Variants in SHTN1 observed in about 807,000 individuals in gnomAD.
The protein encoded by SHTN1 is shootin-1.
Under a neutral mutation model 83.1 loss-of-function variants are expected in SHTN1, and 42 were observed. The ratio of observed to expected loss-of-function variants is 0.51; its 90% CI spans 0.39 to 0.65. The LOEUF is 0.65. Among genes scored for constraint, SHTN1 ranks in the 30% least tolerant of loss-of-function variants. The pLI is 0.00. For synonymous variants in SHTN1, 224 were observed against 247.7 expected, an observed-to-expected ratio of 0.90 and a Z score of 0.90; for missense variants, 622 against 737.8, an observed-to-expected ratio of 0.84 and a Z score of 1.82.
At chr10:117,068,178 G>A (rs1564948405) in intron 1 of SHTN1, among the ~76,000 whole-genome samples, 1 of 152,150 alleles carries the variant, frequency 6.6e-6, no homozygotes, top group Admixed American at 6.6e-5. Flanking sequence ...GATCACTTGA[G>A]TTCCGAAATT....
intron 1 of SHTN1, among the ~76,000 whole-genome samples, chr10:117,088,394 G>A (rs576539559): frequency 4.6e-5 from 7 of 152,284 alleles, no homozygotes; most frequent in East Asian, 3.9e-4. Flanking sequence ...GTTGATTCAC[G>A]TAAAAGCTAC....
chr10:116,949,235 G>T (rs1256901952), intron 6 of SHTN1, among the ~76,000 whole-genome samples: 2 of 152,024 alleles, frequency 1.3e-5, no homozygotes, highest in Non-Finnish European at 2.9e-5. Context: ...AGTTGGCACT[G>T]GCACCTAAAC....
rs1488644378 is a variant in SHTN1 at position 116,897,606 on chromosome 10, T to C, written c.1673+4159A>G. 2.0e-5 allele frequency among the ~76,000 whole-genome samples: 3 copies of C among 152,212 alleles called. No individual in the cohort carries two copies. In the East Asian group the frequency reaches 5.8e-4, roughly 29 times the overall value. ...ATGATCCATTATCCCAGCAATATAA[T>C]TGTAAGATAAGATAGGAAAGGAATT... On this transcript the variant is annotated intron_variant, in intron 16 of 16. Transcript: ENST00000355371.
intron 2 of SHTN1, among the ~76,000 whole-genome samples, chr10:116,976,230 T>C (rs1292729907): frequency 6.6e-6 from 1 of 152,116 alleles, no homozygotes; most frequent in East Asian, 1.9e-4. Context: ...TAGCAGCTTC[T>C]TACACCATGC....
intron 14 of SHTN1, among the ~76,000 whole-genome samples, chr10:116,907,523 G>C (rs117651711): frequency 6.6e-6 from 1 of 152,126 alleles, no homozygotes; most frequent in African/African-American, 2.4e-5. Context: ...TGGCTCTTCC[G>C]GGAAGTATGT....
intron 1 of SHTN1, among the ~76,000 whole-genome samples, chr10:117,117,749 C>A (rs944605845): frequency 1.2e-4 from 19 of 152,112 alleles, no homozygotes; most frequent in Non-Finnish European, 2.5e-4. Flanking sequence ...GCATTTACAA[C>A]CAACTCATCT....
At chr10:117,003,445 A>T (rs1851891153) in intron 1 of SHTN1, among the ~76,000 whole-genome samples, 1 of 150,752 alleles carries the variant, frequency 6.6e-6, no homozygotes, top group Non-Finnish European at 1.5e-5. Context: ...TGGATATCAC[A>T]GAAGAATGTG....
At position 117,005,130 on chromosome 10, in the gene SHTN1, A is replaced by T. The variant is rs1420317887; in HGVS notation, c.-51T>A. The T allele has an allele frequency of 6.4e-7, 1 of 1,562,020 alleles. No individual in the cohort carries two copies. The highest frequency in any genetic ancestry group is 8.7e-7 in the Non-Finnish European group (1 of 1,152,478). The stretch of plus-strand genomic sequence containing the variant: ...AGGGAAAGAGGGAGCGGCGCGGGGC[A>T]CACAGGAGGAGGGGGAAGAAAAAGC... On this transcript the variant is annotated 5_prime_UTR_variant, in exon 1 of 17. Coordinates refer to ENST00000355371, the MANE Select transcript of SHTN1 (RefSeq NM_001127211.3).
At chr10:116,971,630 A>G (rs1850623368) in intron 2 of SHTN1, among the ~76,000 whole-genome samples, 1 of 152,198 alleles carries the variant, frequency 6.6e-6, no homozygotes, top group Non-Finnish European at 1.5e-5. Context: ...AGCATAAGGC[A>G]CAAAAAGAAA....
chr10:116,947,884 A>G (rs2133413079), intron 7 of SHTN1, among the ~76,000 whole-genome samples: 1 of 152,360 alleles, frequency 6.6e-6, no homozygotes, highest in South Asian at 2.1e-4. Context: ...ATACAGAAAG[A>G]CTTGGAGAAA....
At chr10:116,921,399 C>A (rs1848560160) in intron 12 of SHTN1, 35 bp downstream of exon 12, 2 of 1,495,160 alleles carry the variant, frequency 1.3e-6, no homozygotes, top group Non-Finnish European at 1.9e-6. Context: ...AATGGTACAC[C>A]ATCAACCACT....
rs540929642 is a variant in SHTN1 at position 117,013,558 on chromosome 10, CAAT to C, written c.-122-34253_-122-34251del. On this transcript the variant is annotated intron_variant, in intron 2 of 17. Transcript: ENST00000392901. ...ACTAGTGAAATGCAAGTTAAAACAA[CAAT>C]GATATAATACTATGTATCTATTAGG... Among the ~76,000 whole-genome samples, 10 of 152,282 alleles carry C rather than the reference CAAT, an allele frequency of 6.6e-5. No individual in the cohort carries two copies. The South Asian group carries it at 1.2e-3, about 19-fold the overall frequency.
At chr10:117,015,497 A>G (rs938602468) in intron 2 of SHTN1, among the ~76,000 whole-genome samples, 10 of 152,052 alleles carry the variant, frequency 6.6e-5, no homozygotes, top group Middle Eastern at 3.4e-3. Flanking sequence ...ACGCCTGGCT[A>G]ATTTTGTATT....
rs2133289958 is a variant in SHTN1 at position 116,883,477 on chromosome 10, T to G, written c.*2867A>C. On this transcript the variant is annotated 3_prime_UTR_variant, in exon 17 of 17. Coordinates refer to ENST00000355371, the MANE Select transcript of SHTN1 (RefSeq NM_001127211.3). ...AAGGTCAGTGATAATGACAGATGGT[T>G]ATCCATTCTCGACAACTTACTGGTA... 1 of 152,304 alleles carries G rather than the reference T, an allele frequency of 6.6e-6. No homozygotes were observed. The highest frequency in any genetic ancestry group is 1.5e-5 in the Non-Finnish European group (1 of 68,024). The allele number at this position is 152,304 out of a possible 1,614,324, so 9.4% of individuals were successfully genotyped here.
intron 16 of SHTN1, among the ~76,000 whole-genome samples, chr10:116,887,795 C>T (rs748105746): frequency 2.6e-5 from 4 of 152,172 alleles, no homozygotes; most frequent in Non-Finnish European, 5.9e-5. Context: ...GTGGACTAAA[C>T]GAATGGGCAA....
At chr10:117,013,818 T>C (rs1852141270) in intron 2 of SHTN1, among the ~76,000 whole-genome samples, 2 of 152,188 alleles carry the variant, frequency 1.3e-5, no homozygotes, top group African/African-American at 4.8e-5. Flanking sequence ...TATACAAATG[T>C]TTATAACAGC....
chr10:117,061,308 T>A (rs912302977), intron 1 of SHTN1, among the ~76,000 whole-genome samples: 4 of 150,694 alleles, frequency 2.7e-5, no homozygotes, highest in African/African-American at 9.8e-5. Context: ...GCGATTCTCC[T>A]GCCTCAGCCT....
chr10:117,124,011 A>T (rs1251344916), intron 1 of SHTN1, among the ~76,000 whole-genome samples: 1 of 152,064 alleles, frequency 6.6e-6, no homozygotes, highest in South Asian at 2.1e-4. Flanking sequence ...TAGAAGTTCA[A>T]GACCAGCCTG....
At chr10:117,120,691 C>T (rs138694199) in intron 1 of SHTN1, among the ~76,000 whole-genome samples, 2 of 152,094 alleles carry the variant, frequency 1.3e-5, no homozygotes, top group East Asian at 3.9e-4. Context: ...AGAAACAGAA[C>T]CTAGTGTTAG....
Sources: allele counts gnomAD v4.1 joint callset (sites outside exome capture counted in the v4.1 genomes callset), GRCh38; gene constraint gnomAD v4.1.1; transcripts MANE v1.5; gene names NCBI Gene and HGNC (gene_info 2026-07-23, HGNC 2026-07-21).